Variants in GRIA1 observed in about 807,000 individuals in gnomAD.
The protein encoded by GRIA1 is glutamate receptor 1.
GRIA1 carries 31 observed loss-of-function variants against 99.2 expected under a neutral mutation model. The ratio of observed to expected loss-of-function variants is 0.31; its 90% CI spans 0.23 to 0.42. The LOEUF (loss-of-function observed/expected upper bound fraction) is 0.42, where lower values mean the gene tolerates loss of function less well. Ranked by LOEUF, GRIA1 falls within the 10% of genes least tolerant of loss-of-function variation. The pLI is 1.00. For synonymous variants in GRIA1, 438 were observed against 432.4 expected (o/e 1.01, Z -0.16); for missense variants, 782 against 1,157.5 (o/e 0.68, Z 4.71).
chr5:153,695,871 C>T (rs1383015862), intron 8 of GRIA1, among the ~76,000 whole-genome samples: 2 of 152,216 alleles, frequency 1.3e-5, no homozygotes, highest in Non-Finnish European at 2.9e-5. Flanking sequence ...TGGGTCACTG[C>T]TGCCTGGATG....
chr5:153,806,553 C>T (rs542890933), intron 15 of GRIA1, among the ~76,000 whole-genome samples: 24 of 152,280 alleles, frequency 1.6e-4, no homozygotes, highest in African/African-American at 5.8e-4. Flanking sequence ...CATGAGCCAC[C>T]ACGCCCCGCC....
chr5:153,581,626 C>A (rs1009978129), intron 2 of GRIA1, among the ~76,000 whole-genome samples: 1 of 152,154 alleles, frequency 6.6e-6, no homozygotes, highest in African/African-American at 2.4e-5. Context: ...CGCTGACCTT[C>A]CCCTTTGGCC....
At chr5:153,777,989 G>A (rs188572218) in intron 13 of GRIA1, among the ~76,000 whole-genome samples, 139 of 152,280 alleles carry the variant, frequency 9.1e-4, no homozygotes, top group African/African-American at 3.2e-3. Context: ...CCCAGGTCGG[G>A]CCTGATCAGA....
At chr5:153,761,178 T>C (rs1262967609) in intron 11 of GRIA1, among the ~76,000 whole-genome samples, 1 of 152,016 alleles carries the variant, frequency 6.6e-6, no homozygotes, top group East Asian at 1.9e-4. Context: ...GACAAATGGA[T>C]TGCATCAAAC....
At chr5:153,684,117 G>A (rs1757181977) in intron 7 of GRIA1, among the ~76,000 whole-genome samples, 1 of 152,160 alleles carries the variant, frequency 6.6e-6, no homozygotes, top group Non-Finnish European at 1.5e-5. Context: ...CATAAGACTT[G>A]AGCAGATCAC....
chr5:153,491,275 G>C (rs745912471), intron 1 of GRIA1: 110 of 1,310,186 alleles, frequency 8.4e-5, no homozygotes, highest in Admixed American at 2.1e-4. Context: ...AAAGGGTGGT[G>C]GGTGTTTAAG....
At chr5:153,775,872 T>A (rs189742083) in intron 13 of GRIA1, among the ~76,000 whole-genome samples, 87 of 148,652 alleles carry the variant, frequency 5.9e-4, no homozygotes, top group African/African-American at 2.1e-3. Flanking sequence ...TATTAGGGGC[T>A]GAAGAGGAAA....
At chr5:153,777,250 T>C (rs1309530221) in intron 13 of GRIA1, among the ~76,000 whole-genome samples, 2 of 152,132 alleles carry the variant, frequency 1.3e-5, no homozygotes, top group Admixed American at 6.5e-5. Flanking sequence ...AGGGAGGCGA[T>C]GTGCTAGTGG....
intron 2 of GRIA1, among the ~76,000 whole-genome samples, chr5:153,615,738 A>G (rs997878280): frequency 2.0e-5 from 3 of 152,152 alleles, no homozygotes; most frequent in Non-Finnish European, 2.9e-5. Flanking sequence ...CTCTGCATAT[A>G]TTAGGTCATC....
chr5:153,503,765 A>C (rs1755227395), intron 2 of GRIA1, among the ~76,000 whole-genome samples: 1 of 152,234 alleles, frequency 6.6e-6, no homozygotes. Flanking sequence ...ATAAGGGGGA[A>C]AGCCCATTTG....
At chr5:153,684,274 A>T (rs1236427199) in intron 7 of GRIA1, among the ~76,000 whole-genome samples, 2 of 152,224 alleles carry the variant, frequency 1.3e-5, no homozygotes, top group Non-Finnish European at 2.9e-5. Context: ...TAATATTAGT[A>T]TTAAGTATCA....
intron 11 of GRIA1, among the ~76,000 whole-genome samples, chr5:153,736,706 AT>A (rs1415444776): frequency 6.6e-6 from 1 of 152,218 alleles, no homozygotes; most frequent in African/African-American, 2.4e-5. Context: ...TCAAAGTACA[AT>A]TCCCTAGAGT....
intron 11 of GRIA1, among the ~76,000 whole-genome samples, chr5:153,721,026 A>G (rs879525648): frequency 1.3e-5 from 2 of 152,198 alleles, no homozygotes; most frequent in African/African-American, 4.8e-5. Context: ...GTCAGTCCTC[A>G]TCTCCATCTG....
intron 2 of GRIA1, among the ~76,000 whole-genome samples, chr5:153,643,299 C>T (rs1419353276): frequency 6.6e-6 from 1 of 152,116 alleles, no homozygotes; most frequent in Non-Finnish European, 1.5e-5. Context: ...AAAGCTGAGG[C>T]CTAGGAGAGC....
At chr5:153,756,594 C>A (rs981223429) in intron 11 of GRIA1, among the ~76,000 whole-genome samples, 16 of 152,182 alleles carry the variant, frequency 1.1e-4, no homozygotes, top group Non-Finnish European at 1.6e-4. Context: ...GTGAGACAGG[C>A]GTCTGAACTC....
chr5:153,706,957 A>G (rs1435726290), intron 11 of GRIA1, among the ~76,000 whole-genome samples: 1 of 151,972 alleles, frequency 6.6e-6, no homozygotes, highest in African/African-American at 2.4e-5. Flanking sequence ...ATAAAACAAT[A>G]ATAATAATAA....
At position 153,681,604 on chromosome 5, in the gene GRIA1, G is replaced by A. The variant is rs117030336; in HGVS notation, c.1029+4443G>A. On this transcript the variant is annotated intron_variant, in intron 7 of 15. Coordinates refer to ENST00000285900, the MANE Select transcript of GRIA1 (RefSeq NM_000827.4). Reference sequence around the variant, plus strand: ...AGCTGGGTTCCAACCGTGGCTCCACGCAGAACTATCTGGGGGATCTTGGAC... The same window carrying A: ...AGCTGGGTTCCAACCGTGGCTCCACACAGAACTATCTGGGGGATCTTGGAC... Among the ~76,000 whole-genome samples the A allele has an allele frequency of 4.5e-4, 69 of 152,292 alleles. No homozygotes were observed. In the East Asian group the frequency reaches 0.012, roughly 27 times the overall value.
intron 2 of GRIA1, among the ~76,000 whole-genome samples, chr5:153,585,997 TTGCCAATTTTCA>T (rs1763452492): frequency 6.6e-6 from 1 of 152,022 alleles, no homozygotes; most frequent in Non-Finnish European, 1.5e-5. Flanking sequence ...TTTCAAGCAT[TTGCCAATTTTCA>T]TGATGTAAAG....
intron 2 of GRIA1, among the ~76,000 whole-genome samples, chr5:153,528,939 C>T (rs971689344): frequency 2.0e-5 from 3 of 152,074 alleles, no homozygotes; most frequent in African/African-American, 7.2e-5. Context: ...GGTTGGTTAC[C>T]AGAGTAGATA....
Sources: allele counts gnomAD v4.1 joint callset (sites outside exome capture counted in the v4.1 genomes callset), GRCh38; gene constraint gnomAD v4.1.1; transcripts MANE v1.5; gene names NCBI Gene and HGNC (gene_info 2026-07-23, HGNC 2026-07-21).